ACVR2B: variants seen among roughly 807,000 people sequenced by gnomAD.
The protein encoded by ACVR2B is activin receptor type-2B.
In ACVR2B, 18 loss-of-function variants were observed where a neutral mutation model predicts 65.1. The observed-to-expected ratio is 0.28, with a 90% confidence interval of 0.19 to 0.41. The LOEUF is 0.41. ACVR2B is among the 10% of genes least tolerant of loss of function. The pLI, the probability that ACVR2B is intolerant of heterozygous loss-of-function variation, is 1.00. For missense variants in ACVR2B, 482 were observed against 682.7 expected, an observed-to-expected ratio of 0.71 and a Z score of 3.28; for synonymous variants, 298 against 277.7, an observed-to-expected ratio of 1.07 and a Z score of -0.73.
Position 38,479,234 on chromosome 3 carries a change from A to C in ACVR2B, c.773A>C (p.Glu258Ala). The change falls in exon 6 of 11, where the codon GAA (glutamate) becomes GCA (alanine). Residue 258 changes from glutamate (E) to alanine (A), a missense_variant. By Grantham distance (107) the Glu-to-Ala change is moderately radical. Coordinates refer to ENST00000352511, the MANE Select transcript of ACVR2B (RefSeq NM_001106.4). ...GCCGAGAAGCGAGGCTCCAACCTCGAAGTAGAGCTGTGGCTCATCACGGCC... is the reference window on the plus strand; with the variant it reads ...GCCGAGAAGCGAGGCTCCAACCTCGCAGTAGAGCTGTGGCTCATCACGGCC... ...IAAEKRGSNL[E>A]VELWLITAFH... 1.2e-6 allele frequency: 2 copies of C among 1,614,184 alleles called. No homozygotes were observed. Among genetic ancestry groups the C allele is most frequent in the Non-Finnish European group, 1.7e-6 (2 of 1,180,018 alleles).
At chr3:38,458,346 G>A (rs1709584828) in intron 1 of ACVR2B, among the ~76,000 whole-genome samples, 2 of 152,112 alleles carry the variant, frequency 1.3e-5, no homozygotes, top group Non-Finnish European at 1.5e-5. Flanking sequence ...AATGTAAATC[G>A]GTATATGTGT....
intron 1 of ACVR2B, among the ~76,000 whole-genome samples, chr3:38,456,917 A>G (rs1170921487): frequency 6.6e-6 from 1 of 152,186 alleles, no homozygotes; most frequent in Non-Finnish European, 1.5e-5. Flanking sequence ...TCAATAGTAT[A>G]TTTTACTGGC....
rs376462721 is a variant in ACVR2B, at chr3:38,479,139, G to C, written c.678G>C (p.Ser226=). ...VKIFPLQDKQ[S]WQSEREIFST... ...GCCCCCGGCCTCAGGACAAGCAGTCGTGGCAGAGTGAACGGGAGATCTTCA... is the reference window on the plus strand; with the variant it reads ...GCCCCCGGCCTCAGGACAAGCAGTCCTGGCAGAGTGAACGGGAGATCTTCA... The change falls in exon 6 of 11, where the codon TCG becomes TCC. Residue 226 remains serine, a synonymous_variant. Transcript: ENST00000352511. 8 of 1,614,168 alleles carry C rather than the reference G, an allele frequency of 5.0e-6. No individual in the cohort carries two copies. The highest frequency in any genetic ancestry group is 6.8e-6 in the Non-Finnish European group (8 of 1,180,024).
chr3:38,463,204 T>C (rs1709676896), intron 1 of ACVR2B, among the ~76,000 whole-genome samples: 1 of 152,106 alleles, frequency 6.6e-6, no homozygotes, highest in African/African-American at 2.4e-5. Context: ...GGGATGGAAG[T>C]GCATATGTAT....
rs181835609 is a variant in ACVR2B at position 38,483,375 on chromosome 3, A to G, written c.*43A>G. On this transcript the variant is annotated 3_prime_UTR_variant, in exon 11 of 11. Coordinates refer to ENST00000352511, the MANE Select transcript of ACVR2B (RefSeq NM_001106.4). This position sits in a 1 kb window ranked among gnomAD's most constrained non-coding sequence, Gnocchi z 4.8. Reference sequence around the variant, plus strand: ...CTGTCCAGACTCAGTGGATCTGAAGAAAAAAGGAAAAAAAGTTGTGTTTTG... The same window carrying G: ...CTGTCCAGACTCAGTGGATCTGAAGGAAAAAGGAAAAAAAGTTGTGTTTTG... The G allele has an allele frequency of 1.2e-5, 19 of 1,597,700 alleles. No individual in the cohort carries two copies. In the African/African-American group the frequency reaches 2.5e-4, roughly 21 times the overall value.
chr3:38,458,929 T>C (rs1415096409), intron 1 of ACVR2B, among the ~76,000 whole-genome samples: 1 of 152,160 alleles, frequency 6.6e-6, no homozygotes, highest in Non-Finnish European at 1.5e-5. Context: ...TTCTGTGCAT[T>C]GTAGGATATT....
At chr3:38,479,938 C>T in intron 7 of ACVR2B, 112 bp downstream of exon 7, 1 of 1,369,354 alleles carries the variant, frequency 7.3e-7, no homozygotes, top group Non-Finnish European at 1.0e-6. Context: ...ACTTACCCTG[C>T]TTGCTGTGTG....
rs13097628 is a variant in ACVR2B, at chr3:38,479,665, T to C, written c.811-13T>C. 849,246 of 1,612,976 alleles carry C rather than the reference T, an allele frequency of 0.53. 232,383 individuals carry two copies. The highest frequency in any genetic ancestry group is 0.57 in the Non-Finnish European group (669,871 of 1,179,318). ...CAGAATCTGTGCTCAAGTTCTGTGC[T>C]GTCTTCTCTCAGGGCTCCCTCACGG... On this transcript the variant is annotated splice_polypyrimidine_tract_variant and intron_variant, in intron 6 of 10. Coordinates refer to ENST00000352511, the MANE Select transcript of ACVR2B (RefSeq NM_001106.4).
Position 38,479,689 on chromosome 3 carries a change from G to A in ACVR2B, c.822G>A (p.Thr274=), listed in dbSNP as rs750834471. ...ITAFHDKGSL[T]DYLKGNIITW... is the part of the protein sequence containing the mutation. ...CTGTCTTCTCTCAGGGCTCCCTCAC[G>A]GATTACCTCAAGGGGAACATCATCA... is the stretch of plus-strand genomic sequence containing the variant. Residue 274 remains threonine (T), a synonymous_variant, in exon 7 of 11, where the codon ACG becomes ACA. Transcript: ENST00000352511. 1.2e-6 allele frequency: 2 copies of A among 1,614,132 alleles called. No individual in the cohort carries two copies. The highest frequency in any genetic ancestry group is 2.2e-5 in the East Asian group (1 of 44,870).
At chr3:38,460,616 C>G (rs1709629216) in intron 1 of ACVR2B, among the ~76,000 whole-genome samples, 1 of 152,188 alleles carries the variant, frequency 6.6e-6, no homozygotes, top group Non-Finnish European at 1.5e-5. Context: ...CTGGCAGCTC[C>G]AACTGGGTGT....
Position 38,484,688 on chromosome 3 carries a change from T to C in ACVR2B, c.*1356T>C, listed in dbSNP as rs1425495014. On this transcript the variant is annotated 3_prime_UTR_variant, in exon 11 of 11. Coordinates refer to ENST00000352511, the MANE Select transcript of ACVR2B (RefSeq NM_001106.4). Reference sequence around the variant, plus strand: ...TTTTTTTTCAAACAAAACACACACATCCACATATACACATGCTTCGCTATG... The same window carrying C: ...TTTTTTTTCAAACAAAACACACACACCCACATATACACATGCTTCGCTATG... 6.6e-6 allele frequency: 1 copy of C among 152,546 alleles called. No homozygotes were observed. The highest frequency in any genetic ancestry group is 1.5e-5 in the Non-Finnish European group (1 of 68,028). The allele number at this position is 152,546 out of a possible 1,614,324, so 9.4% of individuals were successfully genotyped here. A position where few individuals can be genotyped will look rare whatever the true frequency, so the allele number is the denominator to read the frequency against.
chr3:38,463,215 G>T (rs947298936), intron 1 of ACVR2B, among the ~76,000 whole-genome samples: 3 of 152,172 alleles, frequency 2.0e-5, no homozygotes, highest in Admixed American at 1.3e-4. Context: ...GCATATGTAT[G>T]TTCACTTACC....
chr3:38,477,225 G>A lies in ACVR2B; in HGVS notation c.53-62G>A. On this transcript the variant is annotated intron_variant, in intron 1 of 10. Coordinates refer to ENST00000352511, the MANE Select transcript of ACVR2B (RefSeq NM_001106.4). This position sits in a 1 kb window ranked among gnomAD's most constrained non-coding sequence, Gnocchi z 6.7. ...GGTGGCCTGGCACCCAGGACTGGGA[G>A]TAGGGGTTTGGGTGGTGGTCCCAGG... The A allele has an allele frequency of 6.3e-7, 1 of 1,593,342 alleles. No homozygotes were observed.
intron 1 of ACVR2B, among the ~76,000 whole-genome samples, chr3:38,468,471 T>G (rs991134837): frequency 6.6e-6 from 1 of 152,204 alleles, no homozygotes; most frequent in Non-Finnish European, 1.5e-5. Flanking sequence ...CCTGCTCCTC[T>G]TTGTCGAAGA....
rs1241588237 is a variant in ACVR2B at position 38,491,869 on chromosome 3, G to A, written c.*8537G>A. The stretch of plus-strand genomic sequence containing the variant: ...AGTAGAAATATATTTCTAGATTTCA[G>A]TTCCACACCACAAATCCACAACAAT... On this transcript the variant is annotated 3_prime_UTR_variant, in exon 11 of 11. Coordinates refer to ENST00000352511, the MANE Select transcript of ACVR2B (RefSeq NM_001106.4). 1 of 152,144 alleles carries A rather than the reference G, an allele frequency of 6.6e-6. No homozygotes were observed. The highest frequency in any genetic ancestry group is 1.5e-5 in the Non-Finnish European group (1 of 68,040). 9.4% of individuals were successfully genotyped at this position (152,144 alleles called of 1,614,324 possible).
At position 38,489,343 on chromosome 3, in the gene ACVR2B, GT is replaced by G. The variant is rs1404505262; in HGVS notation, c.*6013del. The stretch of plus-strand genomic sequence containing the variant: ...TTATACCACAGATTATTTTTATAAA[GT>G]TAGTGAATTTGAATGATTTTGTAAT... On this transcript the variant is annotated 3_prime_UTR_variant, in exon 11 of 11. Transcript: ENST00000352511. 6.6e-6 allele frequency: 1 copy of G among 152,630 alleles called. No homozygotes were observed. The highest frequency in any genetic ancestry group is 6.5e-5 in the Admixed American group (1 of 15,280). 9.5% of individuals were successfully genotyped at this position (152,630 alleles called of 1,614,324 possible).
In ACVR2B at chr3:38,478,510, C is replaced by G; in HGVS notation, c.658C>G (p.Pro220Ala). 1 of 1,614,092 alleles carries G rather than the reference C, an allele frequency of 6.2e-7. No homozygotes were observed. Among genetic ancestry groups the G allele is most frequent in the Non-Finnish European group, 8.5e-7 (1 of 1,180,020 alleles). The change falls in exon 5 of 11, where the codon CCA (proline) becomes GCA (alanine). Residue 220 changes from proline (P) to alanine (A), a missense_variant. Physicochemically the swap from Pro to Ala is conservative, Grantham distance 27. This residue lies in a region of ACVR2B where 223 missense variants were observed against 386.3 expected (regional missense o/e 0.58). Coordinates refer to ENST00000352511, the MANE Select transcript of ACVR2B (RefSeq NM_001106.4). ...TGACTTTGTAGCTGTCAAGATCTTC[C>G]CACTCCAGGTGAGTGTTTGAGGGGC... The part of the protein sequence containing the change: ...MNDFVAVKIF[P>A]LQDKQSWQSE...
intron 1 of ACVR2B, among the ~76,000 whole-genome samples, chr3:38,467,752 C>CAA (rs71085327): frequency 4.3e-5 from 6 of 139,334 alleles, no homozygotes; most frequent in African/African-American, 1.3e-4. Context: ...ACCCTGTGTC[C>CAA]AAAAAAAAAA....
At position 38,481,638 on chromosome 3, in the gene ACVR2B, GCA is replaced by G. The variant is rs1710019458; in HGVS notation, c.1074+174_1074+175del. On this transcript the variant is annotated intron_variant, in intron 8 of 10. Transcript: ENST00000352511. This position sits in a 1 kb window ranked among gnomAD's most constrained non-coding sequence, Gnocchi z 4.7. ...CAGTGGAGAAACCAAGACCAGGAAG[GCA>G]GTGTAGTTTAGCTTCCGTAGGACAG... Among the ~76,000 whole-genome samples the G allele has an allele frequency of 6.6e-6, 1 of 152,222 alleles. No homozygotes were observed. The highest frequency in any genetic ancestry group is 2.4e-5 in the African/African-American group (1 of 41,452).
Sources: gnomAD v4.1 joint callset for allele counts (sites outside exome capture counted in the v4.1 genomes callset) on GRCh38, gnomAD v4.1.1 for gene constraint, gnomAD v4.1.1 regional missense constraint, Gnocchi (gnomAD v3.1) non-coding constraint, MANE v1.5 for transcripts, NCBI Gene and HGNC (gene_info 2026-07-23, HGNC 2026-07-21) for gene names.